The following PRDM6 variants were observed in gnomAD, a reference collection of about 807,000 sequenced individuals.
PRDM6 encodes the protein putative histone-lysine N-methyltransferase PRDM6.
In PRDM6, 25 loss-of-function variants were observed where a neutral mutation model predicts 60.8. That is an observed-to-expected ratio of 0.41 (90% CI 0.30 to 0.57). The LOEUF (loss-of-function observed/expected upper bound fraction) is 0.57. Ranked by LOEUF, PRDM6 falls within the 20% of genes least tolerant of loss-of-function variation. PRDM6 has a pLI of 0.27. For missense variants in PRDM6, 839 were observed against 821.3 expected (o/e 1.02, Z -0.26); for synonymous variants, 407 against 357.4 (o/e 1.14, Z -1.57).
intron 3 of PRDM6, among the ~76,000 whole-genome samples, chr5:123,100,938 C>A (rs1162654460): frequency 6.6e-6 from 1 of 152,160 alleles, no homozygotes; most frequent in African/African-American, 2.4e-5. Context: ...GTAAATCTGA[C>A]TAACTGGGCA....
chr5:123,151,452 G>A (rs1308893605), intron 3 of PRDM6, among the ~76,000 whole-genome samples: 1 of 152,176 alleles, frequency 6.6e-6, no homozygotes, highest in Non-Finnish European at 1.5e-5. Flanking sequence ...AGGTGAGGAA[G>A]GCCTCAGCAC....
chr5:123,121,476 G>A (rs1188129639), intron 3 of PRDM6, among the ~76,000 whole-genome samples: 1 of 152,076 alleles, frequency 6.6e-6, no homozygotes, highest in African/African-American at 2.4e-5. Context: ...TCAAACTCCT[G>A]GGCTCAAGTG....
At chr5:123,150,555 C>T (rs959348793) in intron 3 of PRDM6, among the ~76,000 whole-genome samples, 2 of 152,194 alleles carry the variant, frequency 1.3e-5, no homozygotes, top group African/African-American at 2.4e-5. Context: ...CCTCTACCTC[C>T]TGACACGCAG....
chr5:123,125,543 C>G (rs1764675616), intron 3 of PRDM6, among the ~76,000 whole-genome samples: 1 of 152,174 alleles, frequency 6.6e-6, no homozygotes, highest in African/African-American at 2.4e-5. Flanking sequence ...AATTCAAAGT[C>G]TGCTCAACAT....
intron 4 of PRDM6, among the ~76,000 whole-genome samples, chr5:123,157,771 G>A (rs35955666): frequency 2.6e-5 from 4 of 152,194 alleles, no homozygotes; most frequent in Non-Finnish European, 5.9e-5. Flanking sequence ...GTTATGATTT[G>A]TAATATCTAA....
chr5:123,144,424 G>C (rs1765190601), intron 3 of PRDM6, among the ~76,000 whole-genome samples: 1 of 152,180 alleles, frequency 6.6e-6, no homozygotes, highest in African/African-American at 2.4e-5. Context: ...GTAGCTCCTT[G>C]ACCCACCTTC....
intron 3 of PRDM6, among the ~76,000 whole-genome samples, chr5:123,102,501 G>C (rs988840578): frequency 6.6e-6 from 1 of 151,822 alleles, no homozygotes; most frequent in African/African-American, 2.4e-5. Context: ...TCAGTAAGTA[G>C]AATACATTGT....
intron 4 of PRDM6, among the ~76,000 whole-genome samples, chr5:123,156,394 G>T (rs996969638): frequency 2.6e-5 from 4 of 152,140 alleles, no homozygotes; most frequent in Non-Finnish European, 4.4e-5. Context: ...CTTGCTTTCA[G>T]TCTCCTTCAT....
chr5:123,114,740 G>C (rs1185961546), intron 3 of PRDM6, among the ~76,000 whole-genome samples: 3 of 152,198 alleles, frequency 2.0e-5, no homozygotes, highest in Non-Finnish European at 4.4e-5. Flanking sequence ...CTGAAAGCCT[G>C]GTGTTTTCAG....
chr5:123,153,215 AAAG>A (rs1196271790), intron 3 of PRDM6, among the ~76,000 whole-genome samples: 15 of 152,124 alleles, frequency 9.9e-5, no homozygotes, highest in African/African-American at 3.6e-4. Context: ...AAAAAAAAAA[AAAG>A]GGCTAGGTTT....
At chr5:123,147,067 G>GT (rs1213799694) in intron 3 of PRDM6, among the ~76,000 whole-genome samples, 1 of 152,026 alleles carries the variant, frequency 6.6e-6, no homozygotes, top group Non-Finnish European at 1.5e-5. Flanking sequence ...ACGAATGTCT[G>GT]TTTTTTTAAT....
At chr5:123,160,780 C>A (rs911073991) in intron 5 of PRDM6, among the ~76,000 whole-genome samples, 1 of 152,224 alleles carries the variant, frequency 6.6e-6, no homozygotes, top group Non-Finnish European at 1.5e-5. Flanking sequence ...TAAATCTTTG[C>A]ACATACAGTA....
At chr5:123,149,107 G>A (rs1580519044) in intron 3 of PRDM6, among the ~76,000 whole-genome samples, 1 of 152,196 alleles carries the variant, frequency 6.6e-6, no homozygotes. Flanking sequence ...TGTGAAGGTG[G>A]AGGCAGATGC....
chr5:123,172,321 C>G (rs900563191), intron 6 of PRDM6, among the ~76,000 whole-genome samples: 1 of 152,302 alleles, frequency 6.6e-6, no homozygotes, highest in Non-Finnish European at 1.5e-5. Context: ...GTTGGAAAAA[C>G]TACTTGCTTA....
chr5:123,170,605 AG>A (rs1765864635), intron 5 of PRDM6, among the ~76,000 whole-genome samples, 160 bp from the exon 6 acceptor site: 1 of 152,226 alleles, frequency 6.6e-6, no homozygotes, highest in African/African-American at 2.4e-5. Flanking sequence ...CTGTGATAAT[AG>A]TTTTTTCCCC....
intron 5 of PRDM6, among the ~76,000 whole-genome samples, chr5:123,162,092 G>T (rs562153128): frequency 6.6e-6 from 1 of 152,224 alleles, no homozygotes; most frequent in Non-Finnish European, 1.5e-5. Context: ...TTGGCCTGAG[G>T]AGCTGGAAGG....
chr5:123,125,171 C>T (rs1202941066), intron 3 of PRDM6, among the ~76,000 whole-genome samples: 6 of 150,370 alleles, frequency 4.0e-5, no homozygotes, highest in African/African-American at 7.4e-5. Context: ...CCGCCGGCCC[C>T]GCCACACACA....
intron 3 of PRDM6, among the ~76,000 whole-genome samples, chr5:123,137,401 A>G (rs528871448): frequency 1.3e-5 from 2 of 152,306 alleles, no homozygotes; most frequent in African/African-American, 4.8e-5. Flanking sequence ...GCTTAAAATT[A>G]CTCACCCTCT....
intron 3 of PRDM6, among the ~76,000 whole-genome samples, chr5:123,111,942 C>T (rs1764325283): frequency 6.6e-6 from 1 of 152,106 alleles, no homozygotes; most frequent in Non-Finnish European, 1.5e-5. Context: ...TTCCAATCTC[C>T]TCCCTTATCA....
Sources: gnomAD v4.1 joint callset for allele counts (sites outside exome capture counted in the v4.1 genomes callset) on GRCh38, gnomAD v4.1.1 for gene constraint, MANE v1.5 for transcripts, NCBI Gene and HGNC (gene_info 2026-07-23, HGNC 2026-07-21) for gene names.